The following FIGN variants were observed in gnomAD, a reference collection of about 807,000 sequenced individuals.
The protein encoded by FIGN is fidgetin.
In FIGN, 11 loss-of-function variants were observed where a neutral mutation model predicts 51.3. That is an observed-to-expected ratio of 0.21 (90% confidence interval 0.13 to 0.35). The LOEUF (loss-of-function observed/expected upper bound fraction) is 0.35, where lower values mean the gene tolerates loss of function less well. Ranked by LOEUF, FIGN falls within the 10% of genes least tolerant of loss-of-function variation. The probability of loss-of-function intolerance (pLI) is 1.00; values close to 1 mark genes in which losing one functional copy is unlikely to be tolerated. For missense variants in FIGN, 857 were observed against 943.6 expected, an observed-to-expected ratio of 0.91 and a Z score of 1.20; for synonymous variants, 407 against 363.2, an observed-to-expected ratio of 1.12 and a Z score of -1.37.
intron 2 of FIGN, among the ~76,000 whole-genome samples, chr2:163,724,097 C>T (rs1311737846): frequency 6.6e-6 from 1 of 152,178 alleles, no homozygotes; most frequent in African/African-American, 2.4e-5. Context: ...TCACCTCAAT[C>T]ATCTCTTCTT....
At chr2:163,660,605 G>A (rs1683637364) in intron 2 of FIGN, among the ~76,000 whole-genome samples, 1 of 148,516 alleles carries the variant, frequency 6.7e-6, no homozygotes, top group Admixed American at 6.8e-5. Context: ...GGACTATTCA[G>A]ACTTGACTGA....
At chr2:163,638,897 G>T (rs530461782) in intron 2 of FIGN, among the ~76,000 whole-genome samples, 1 of 150,554 alleles carries the variant, frequency 6.6e-6, no homozygotes, top group East Asian at 1.9e-4. Context: ...TCCTTTATGA[G>T]TTTTTCTCCT....
intron 2 of FIGN, among the ~76,000 whole-genome samples, chr2:163,625,070 G>A (rs538882547): frequency 6.6e-6 from 1 of 151,932 alleles, no homozygotes; most frequent in African/African-American, 2.4e-5. Context: ...GCAAATTTTA[G>A]GCTAGTGCCA....
chr2:163,628,152 G>A (rs1430468520), intron 2 of FIGN, among the ~76,000 whole-genome samples: 3 of 152,076 alleles, frequency 2.0e-5, no homozygotes, highest in East Asian at 3.9e-4. Context: ...ATAGTGCTAG[G>A]GAATATACAT....
intron 2 of FIGN, among the ~76,000 whole-genome samples, chr2:163,622,232 C>T (rs562884096): frequency 2.0e-5 from 3 of 152,024 alleles, no homozygotes; most frequent in Admixed American, 6.6e-5. Flanking sequence ...CTACTGGGGA[C>T]GCTGAGGCAC....
chr2:163,692,550 T>C (rs1684255195), intron 2 of FIGN, among the ~76,000 whole-genome samples: 2 of 152,180 alleles, frequency 1.3e-5, no homozygotes, highest in Admixed American at 6.6e-5. Context: ...GTTTAAAAAG[T>C]TGTCAATCTA....
At chr2:163,629,637 G>C (rs1189742864) in intron 2 of FIGN, among the ~76,000 whole-genome samples, 1 of 152,032 alleles carries the variant, frequency 6.6e-6, no homozygotes. Context: ...AGTTGTATTG[G>C]AACACAGCCA....
chr2:163,669,596 A>T (rs1177671700), intron 2 of FIGN, among the ~76,000 whole-genome samples: 2 of 151,552 alleles, frequency 1.3e-5, no homozygotes, highest in African/African-American at 4.8e-5. Flanking sequence ...TAGATTAAAG[A>T]TAAGATGAAA....
rs118128922 is a variant in FIGN at position 163,630,573 on chromosome 2, C to T, written c.26-18767G>A. ...ATCACCACCTGCAAGCCACAGTGGACAACCTTTCTATTGCTATATATGACA... is the reference window on the plus strand; with the variant it reads ...ATCACCACCTGCAAGCCACAGTGGATAACCTTTCTATTGCTATATATGACA... On this transcript the variant is annotated intron_variant, in intron 2 of 2. Transcript: ENST00000333129. 4.7e-3 allele frequency among the ~76,000 whole-genome samples: 705 copies of T among 149,914 alleles called. 20 individuals carry two copies. Among genetic ancestry groups the T allele is most frequent in the East Asian group, 9.0e-3 (45 of 5,002 alleles).
chr2:163,665,419 G>A (rs1360953101), intron 2 of FIGN, among the ~76,000 whole-genome samples: 2 of 152,182 alleles, frequency 1.3e-5, no homozygotes, highest in African/African-American at 4.8e-5. Context: ...CTATTTTACT[G>A]TTAAAACATG....
intron 2 of FIGN, among the ~76,000 whole-genome samples, chr2:163,651,967 T>C (rs1161005267): frequency 6.6e-6 from 1 of 152,198 alleles, no homozygotes; most frequent in Non-Finnish European, 1.5e-5. Flanking sequence ...GGATATTCAT[T>C]GATCAAAATG....
intron 2 of FIGN, among the ~76,000 whole-genome samples, chr2:163,697,700 C>A (rs1455008185): frequency 6.6e-6 from 1 of 152,150 alleles, no homozygotes; most frequent in Non-Finnish European, 1.5e-5. Flanking sequence ...AGTTCCACAA[C>A]ACACCAGTTG....
intron 2 of FIGN, among the ~76,000 whole-genome samples, chr2:163,696,660 C>CTTGTT (rs906290024): frequency 3.3e-5 from 5 of 151,560 alleles, no homozygotes; most frequent in Non-Finnish European, 5.9e-5. Flanking sequence ...TTTGTGTTGT[C>CTTGTT]TTGTTTTGTT....
chr2:163,640,384 C>A (rs1459874702), intron 2 of FIGN, among the ~76,000 whole-genome samples: 1 of 152,040 alleles, frequency 6.6e-6, no homozygotes, highest in Non-Finnish European at 1.5e-5. Context: ...TTTCTTTGAC[C>A]AGTACACACT....
intron 2 of FIGN, among the ~76,000 whole-genome samples, chr2:163,733,046 C>T (rs2105370432): frequency 6.6e-6 from 1 of 152,254 alleles, no homozygotes; most frequent in South Asian, 2.1e-4. Context: ...AATTAGAAAA[C>T]AAGAGCCAGT....
chr2:163,612,649 A>G (rs1467336569), intron 2 of FIGN: 15 of 978,806 alleles, frequency 1.5e-5, no homozygotes, highest in Non-Finnish European at 1.8e-5. Flanking sequence ...TTCTCTTATA[A>G]TCCCTCCTCC....
At chr2:163,723,146 G>A (rs1030839298) in intron 2 of FIGN, among the ~76,000 whole-genome samples, 3 of 151,784 alleles carry the variant, frequency 2.0e-5, no homozygotes, top group Non-Finnish European at 2.9e-5. Flanking sequence ...AGCCGAGATC[G>A]CGCCACTACA....
chr2:163,693,417 G>A (rs1684268495), intron 2 of FIGN, among the ~76,000 whole-genome samples: 1 of 152,186 alleles, frequency 6.6e-6, no homozygotes, highest in Non-Finnish European at 1.5e-5. Context: ...TTTCTCCAGT[G>A]CCTAGCATAG....
chr2:163,676,158 T>C (rs1683959879), intron 2 of FIGN, among the ~76,000 whole-genome samples: 1 of 151,672 alleles, frequency 6.6e-6, no homozygotes, highest in Non-Finnish European at 1.5e-5. Flanking sequence ...CACATATGAA[T>C]TCCTTTTTTT....
Sources: allele counts gnomAD v4.1 joint callset (sites outside exome capture counted in the v4.1 genomes callset), GRCh38; gene constraint gnomAD v4.1.1; transcripts MANE v1.5; gene names NCBI Gene and HGNC (gene_info 2026-07-23, HGNC 2026-07-21).